DPP6: variants seen among roughly 807,000 people sequenced by gnomAD.
DPP6 encodes the protein dipeptidyl peptidase like 6, also known as A-type potassium channel modulatory protein DPP6.
Under a neutral mutation model 122.6 loss-of-function variants are expected in DPP6, and 69 were observed. The ratio of observed to expected loss-of-function variants is 0.56; its 90% CI spans 0.46 to 0.69. The LOEUF (loss-of-function observed/expected upper bound fraction) is 0.69. Among genes scored for constraint, DPP6 ranks in the 30% least tolerant of loss-of-function variants. DPP6 has a pLI of 0.00. For missense variants in DPP6, 928 were observed against 1,116.9 expected, an observed-to-expected ratio of 0.83 and a Z score of 2.41; for synonymous variants, 418 against 433.1, an observed-to-expected ratio of 0.97 and a Z score of 0.43.
At chr7:154,812,954 A>T (rs974566503) in intron 16 of DPP6, among the ~76,000 whole-genome samples, 1 of 152,028 alleles carries the variant, frequency 6.6e-6, no homozygotes, top group African/African-American at 2.4e-5. Flanking sequence ...GTATGCTTAT[A>T]TGTTTATGTT....
At chr7:154,421,315 C>T (rs1167048384) in intron 1 of DPP6, among the ~76,000 whole-genome samples, 4 of 140,800 alleles carry the variant, frequency 2.8e-5, no homozygotes, top group Admixed American at 7.1e-5. Flanking sequence ...ATGTCAGTTT[C>T]TTTTTTTTTT....
chr7:154,859,555 C>A (rs190810704), intron 17 of DPP6, among the ~76,000 whole-genome samples: 2 of 152,250 alleles, frequency 1.3e-5, no homozygotes, highest in Admixed American at 6.5e-5. Context: ...TCCTCTCCCC[C>A]ACTGACCCCA....
At chr7:154,717,192 T>C (rs938990087) in intron 7 of DPP6, among the ~76,000 whole-genome samples, 1 of 152,200 alleles carries the variant, frequency 6.6e-6, no homozygotes, top group African/African-American at 2.4e-5. Context: ...AATTAGCAGA[T>C]TCATCAGCTC....
At chr7:154,866,694 G>T (rs986633456) in intron 17 of DPP6, among the ~76,000 whole-genome samples, 1 of 152,228 alleles carries the variant, frequency 6.6e-6, no homozygotes, top group African/African-American at 2.4e-5. Flanking sequence ...AACTCTACCT[G>T]TTTGAAAACT....
At chr7:154,286,308 A>C (rs914133730) in intron 1 of DPP6, among the ~76,000 whole-genome samples, 1 of 150,302 alleles carries the variant, frequency 6.7e-6, no homozygotes, top group African/African-American at 2.5e-5. Flanking sequence ...GCCACGAGCA[A>C]GATCATTTTG....
chr7:154,195,783 A>G (rs1409579947), intron 1 of DPP6, among the ~76,000 whole-genome samples: 1 of 151,634 alleles, frequency 6.6e-6, no homozygotes, highest in Non-Finnish European at 1.5e-5. Flanking sequence ...AAAATTTCCT[A>G]GGAACCTCAG....
intron 8 of DPP6, among the ~76,000 whole-genome samples, chr7:154,750,888 C>G (rs1843347079): frequency 6.6e-6 from 1 of 152,050 alleles, no homozygotes; most frequent in African/African-American, 2.4e-5. Flanking sequence ...AAGGACGGCT[C>G]AGGTGAGGGC....
rs1486467791 is a variant in DPP6 at position 154,483,924 on chromosome 7, AC to A, written c.457+8889del. ...TGCTCAGGCTGGTCTTGAACTCCTG[AC>A]CTCGTGATCTGCCCGCCTCAGCCTC... On this transcript the variant is annotated intron_variant, in intron 3 of 25. Coordinates refer to ENST00000377770, the MANE Select transcript of DPP6 (RefSeq NM_130797.4). The surrounding 1 kb of genome is among the most constrained non-coding windows in gnomAD (Gnocchi z 8.1). 1.3e-5 allele frequency among the ~76,000 whole-genome samples: 2 copies of A among 152,074 alleles called. No individual in the cohort carries two copies. Among genetic ancestry groups the A allele is most frequent in the Non-Finnish European group, 2.9e-5 (2 of 68,016 alleles).
intron 10 of DPP6, among the ~76,000 whole-genome samples, chr7:154,781,353 C>G (rs1797017322): frequency 6.6e-6 from 1 of 152,164 alleles, no homozygotes; most frequent in Non-Finnish European, 1.5e-5. Flanking sequence ...GCCGCAGTCC[C>G]TAAGGCGCGT....
intron 1 of DPP6, among the ~76,000 whole-genome samples, chr7:154,316,180 T>C (rs1270772021): frequency 6.6e-6 from 1 of 152,174 alleles, no homozygotes; most frequent in Non-Finnish European, 1.5e-5. Context: ...TCACCTTGCT[T>C]TCCCTATTGT....
chr7:154,443,346 GA>G (rs201269949), intron 1 of DPP6, among the ~76,000 whole-genome samples: 1 of 142,744 alleles, frequency 7.0e-6, no homozygotes, highest in South Asian at 2.2e-4. Flanking sequence ...TAGATTACAA[GA>G]AAAAAAATGA....
At chr7:154,684,797 G>A (rs1283111173) in intron 7 of DPP6, among the ~76,000 whole-genome samples, 1 of 152,200 alleles carries the variant, frequency 6.6e-6, no homozygotes, top group African/African-American at 2.4e-5. Context: ...TTAGCTGGGT[G>A]ATCTGACTGT....
intron 1 of DPP6, among the ~76,000 whole-genome samples, chr7:154,240,953 G>A (rs1801552850): frequency 6.6e-6 from 1 of 152,072 alleles, no homozygotes. Flanking sequence ...TTTATTGGTG[G>A]CCTGGACCAA....
chr7:154,645,059 TG>T (rs1373771753), intron 6 of DPP6, among the ~76,000 whole-genome samples: 2 of 146,414 alleles, frequency 1.4e-5, no homozygotes, highest in Non-Finnish European at 3.0e-5. Context: ...GTTTATTTGT[TG>T]GTTTTTTTTT....
At chr7:154,223,635 C>T (rs1198786211) in intron 1 of DPP6, among the ~76,000 whole-genome samples, 1 of 149,016 alleles carries the variant, frequency 6.7e-6, no homozygotes, top group Non-Finnish European at 1.5e-5. Context: ...ATATTCTAGG[C>T]AGAAACATGT....
chr7:153,845,827 C>T, the DPP6 span, among the ~76,000 whole-genome samples: 1 of 152,230 alleles, frequency 6.6e-6, no homozygotes. Context: ...TGACTTTAGA[C>T]TATTTTAACT....
intron 21 of DPP6, chr7:154,884,207 A>G (rs1196154810): frequency 7.7e-6 from 1 of 129,802 alleles, no homozygotes; most frequent in African/African-American, 3.0e-5. Context: ...CCTCCCACAT[A>G]CACGATTACA....
intron 4 of DPP6, among the ~76,000 whole-genome samples, chr7:154,555,571 C>T (rs1346820513): frequency 6.6e-6 from 1 of 151,800 alleles, no homozygotes; most frequent in Non-Finnish European, 1.5e-5. Context: ...ACATATGTAA[C>T]AAACCTGCAT....
At chr7:154,778,995 A>T (rs1174174557) in intron 10 of DPP6, among the ~76,000 whole-genome samples, 1 of 129,874 alleles carries the variant, frequency 7.7e-6, no homozygotes, top group African/African-American at 2.9e-5. Flanking sequence ...CATCACCTCC[A>T]CAACCTCCAC....
Sources: gnomAD v4.1 joint callset for allele counts (sites outside exome capture counted in the v4.1 genomes callset) on GRCh38, gnomAD v4.1.1 for gene constraint, Gnocchi (gnomAD v3.1) non-coding constraint, MANE v1.5 for transcripts, NCBI Gene and HGNC (gene_info 2026-07-23, HGNC 2026-07-21) for gene names.